AK8: variants seen among roughly 807,000 people sequenced by gnomAD.
AK8 encodes the protein adenylate kinase 8.
AK8 carries 44 observed loss-of-function variants against 54.6 expected under a neutral mutation model. The ratio of observed to expected loss-of-function variants is 0.81; its 90% CI spans 0.63 to 1.04. The LOEUF is 1.04. AK8 is among the 50% of genes least tolerant of loss of function. The probability of loss-of-function intolerance (pLI) is 0.00; values close to 1 mark genes in which losing one functional copy is unlikely to be tolerated. For missense variants in AK8, 555 were observed against 613.6 expected (o/e 0.90, Z 1.01); for synonymous variants, 239 against 245.6 (o/e 0.97, Z 0.25).
chr9:132,804,453 C>A (rs1275552581), intron 10 of AK8, among the ~76,000 whole-genome samples: 1 of 152,130 alleles, frequency 6.6e-6, no homozygotes, highest in East Asian at 1.9e-4. Flanking sequence ...CAGAGTCCTG[C>A]AATCAAGATC....
chr9:132,849,309 G>A (rs550793810), intron 5 of AK8, among the ~76,000 whole-genome samples: 1 of 152,292 alleles, frequency 6.6e-6, no homozygotes, highest in African/African-American at 2.4e-5. Flanking sequence ...GCTACAGCCC[G>A]CGGGCCAAAT....
chr9:132,856,533 G>C (rs536701061), intron 4 of AK8, among the ~76,000 whole-genome samples: 161 of 152,256 alleles, frequency 1.1e-3, no homozygotes, highest in Non-Finnish European at 1.9e-3. Context: ...TGTATGGTCT[G>C]GGTGCGCTCA....
At chr9:132,734,394 C>T (rs117301989) in intron 11 of AK8, among the ~76,000 whole-genome samples, 2,382 of 152,182 alleles carry the variant, frequency 0.016, 32 homozygotes, top group Non-Finnish European at 0.025. Flanking sequence ...GCACCACTCC[C>T]GGAGATTCTG....
chr9:132,832,396 G>A (rs943150348), intron 5 of AK8, among the ~76,000 whole-genome samples: 1 of 152,202 alleles, frequency 6.6e-6, no homozygotes, highest in Non-Finnish European at 1.5e-5. Context: ...ACAGACGTGA[G>A]CAACACCAGC....
intron 10 of AK8, among the ~76,000 whole-genome samples, chr9:132,805,748 G>A (rs756655835): frequency 2.0e-5 from 3 of 152,060 alleles, no homozygotes; most frequent in Admixed American, 6.5e-5. Context: ...TGCAAACAAC[G>A]CTTTTACCCT....
Position 132,815,669 on chromosome 9 carries a change from C to T in AK8, c.890-942G>A, listed in dbSNP as rs1482450067. Among the ~76,000 whole-genome samples the T allele has an allele frequency of 2.6e-5, 4 of 152,396 alleles. No individual in the cohort carries two copies. In the East Asian group the frequency reaches 7.7e-4, roughly 29 times the overall value. ...CTGGGCAGGAACCTGCCTCTGGCCCCACTGTGTCTCGAGCCCTGAGCTAGG... is the reference window on the plus strand; with the variant it reads ...CTGGGCAGGAACCTGCCTCTGGCCCTACTGTGTCTCGAGCCCTGAGCTAGG... On this transcript the variant is annotated intron_variant, in intron 9 of 12. Transcript: ENST00000298545.
chr9:132,805,154 G>C (rs1414857426), intron 10 of AK8, among the ~76,000 whole-genome samples: 1 of 152,182 alleles, frequency 6.6e-6, no homozygotes, highest in South Asian at 2.1e-4. Flanking sequence ...CGCACTGGCG[G>C]TTTGCTCTTC....
chr9:132,815,456 G>A (rs2131263545), intron 9 of AK8, among the ~76,000 whole-genome samples: 1 of 152,306 alleles, frequency 6.6e-6, no homozygotes, highest in South Asian at 2.1e-4. Context: ...GGGAGGCTGA[G>A]GCAGGAGAAT....
intron 10 of AK8, among the ~76,000 whole-genome samples, chr9:132,812,894 C>T (rs1208808625): frequency 3.0e-5 from 4 of 131,558 alleles, no homozygotes; most frequent in African/African-American, 5.7e-5. Context: ...ACACAGATCA[C>T]CTCATTCTGT....
chr9:132,878,007 G>T lies in AK8; in HGVS notation c.84+165C>A, dbSNP rs968838391. The T allele has an allele frequency of 2.4e-5, 36 of 1,511,258 alleles. No homozygotes were observed. Among genetic ancestry groups the T allele is most frequent in the Non-Finnish European group, 3.0e-5 (33 of 1,117,812 alleles). 93.6% of individuals were successfully genotyped at this position (1,511,258 alleles called of 1,614,324 possible). A position where few individuals can be genotyped will look rare whatever the true frequency, so the allele number is the denominator to read the frequency against. On this transcript the variant is annotated intron_variant, in intron 1 of 12. Transcript: ENST00000298545. This position sits in a 1 kb window ranked among gnomAD's most constrained non-coding sequence, Gnocchi z 4.7. ...GGACCAGGAGCGTCCCCAGCTCGAGGGCCCCCTCGGGGTCACGGCGACACA... is the reference window on the plus strand; with the variant it reads ...GGACCAGGAGCGTCCCCAGCTCGAGTGCCCCCTCGGGGTCACGGCGACACA...
chr9:132,877,426 A>C (rs577719354), intron 1 of AK8, among the ~76,000 whole-genome samples: 6 of 152,318 alleles, frequency 3.9e-5, no homozygotes, highest in African/African-American at 1.4e-4. Flanking sequence ...GGAAGCAGAC[A>C]AATGATCTGA....
chr9:132,775,561 C>T (rs375823234), intron 11 of AK8, among the ~76,000 whole-genome samples: 4 of 152,098 alleles, frequency 2.6e-5, no homozygotes, highest in African/African-American at 9.7e-5. Context: ...CCTCAGCCTC[C>T]GCCTCCCAAA....
rs1454109093 is a variant in AK8, at chr9:132,803,057, A to ACGT, written c.980-10283_980-10282insACG. On this transcript the variant is annotated intron_variant, in intron 10 of 12. Transcript: ENST00000298545. The surrounding 1 kb of genome is among the most constrained non-coding windows in gnomAD (Gnocchi z 4.4). ...AGGGGAAGCAAACACGTCCTTCTTC[A>ACGT]CATAGCGGCAGCCAGGAGAGGTGCA... Among the ~76,000 whole-genome samples, 1 of 152,204 alleles carries ACGT rather than the reference A, an allele frequency of 6.6e-6. No homozygotes were observed. The highest frequency in any genetic ancestry group is 1.5e-5 in the Non-Finnish European group (1 of 68,046).
intron 11 of AK8, among the ~76,000 whole-genome samples, chr9:132,728,622 G>C (rs1484731876): frequency 1.3e-5 from 2 of 152,136 alleles, no homozygotes; most frequent in South Asian, 2.1e-4. Context: ...ACCCTTCCTG[G>C]GAGTTCAGGC....
intron 11 of AK8, among the ~76,000 whole-genome samples, chr9:132,763,186 G>A (rs1399277328): frequency 5.9e-5 from 9 of 152,220 alleles, no homozygotes; most frequent in African/African-American, 1.4e-4. Context: ...TGGAGCTACC[G>A]CTGGAGTGTG....
chr9:132,878,885 G>T, upstream of AK8: 1 of 616,812 alleles, frequency 1.6e-6, no homozygotes, highest in Non-Finnish European at 2.0e-6. The surrounding 1 kb of genome is among the most constrained non-coding windows in gnomAD (Gnocchi z 4.7). Context: ...CTCGCCCGAC[G>T]TCCCCACCCA....
chr9:132,830,332 G>A (rs563041326), intron 5 of AK8, among the ~76,000 whole-genome samples: 1 of 152,012 alleles, frequency 6.6e-6, no homozygotes, highest in Non-Finnish European at 1.5e-5. Context: ...CTTCTTTTAC[G>A]ACTTTTGATA....
chr9:132,727,424 A>G, intron 12 of AK8, 30 bp downstream of exon 12: 2 of 1,610,788 alleles, frequency 1.2e-6, no homozygotes, highest in Non-Finnish European at 1.7e-6. Flanking sequence ...CAGTCCCCAG[A>G]CTGCCAACCA....
chr9:132,817,692 A>C (rs1010667994), intron 9 of AK8, among the ~76,000 whole-genome samples: 3 of 152,204 alleles, frequency 2.0e-5, no homozygotes, highest in African/African-American at 7.2e-5. Context: ...GGGATGGGAA[A>C]GGACCGGAAG....
Sources: gnomAD v4.1 joint callset for allele counts (sites outside exome capture counted in the v4.1 genomes callset) on GRCh38, gnomAD v4.1.1 for gene constraint, Gnocchi (gnomAD v3.1) non-coding constraint, MANE v1.5 for transcripts, NCBI Gene and HGNC (gene_info 2026-07-23, HGNC 2026-07-21) for gene names.